Variants in ABCA9 observed in about 807,000 individuals in gnomAD.
The protein encoded by ABCA9 is ATP binding cassette subfamily A member 9, also known as ATP-binding cassette sub-family A member 9.
Under a neutral mutation model 205.3 loss-of-function variants are expected in ABCA9, and 183 were observed. The ratio of observed to expected loss-of-function variants is 0.89; its 90% CI spans 0.79 to 1.01. The LOEUF (loss-of-function observed/expected upper bound fraction) is 1.01. Ranked by LOEUF, ABCA9 falls within the 50% of genes least tolerant of loss-of-function variation. The pLI is 0.00. For synonymous variants in ABCA9, 651 were observed against 683.3 expected (o/e 0.95, Z 0.74); for missense variants, 1,805 against 1,912.4 (o/e 0.94, Z 1.05).
rs2071016082 is a variant in ABCA9, at chr17:69,027,082, C to A, written c.1944G>T (p.Leu648Phe). 1.2e-6 allele frequency: 2 copies of A among 1,614,118 alleles called. No homozygotes were observed. The highest frequency in any genetic ancestry group is 1.7e-6 in the Non-Finnish European group (2 of 1,179,998). Residue 648 changes from leucine to phenylalanine, a missense_variant, in exon 15 of 39, where the codon TTG (leucine) becomes TTT (phenylalanine). Transcript: ENST00000340001. Reference sequence around the variant, plus strand: ...ATATTCGGTGCCTTGAAAGAGGATCCAATCCAGCAGTCGGTTCATCCAATA... The same window carrying A: ...ATATTCGGTGCCTTGAAAGAGGATCAAATCCAGCAGTCGGTTCATCCAATA... The part of the protein sequence containing the change: ...VLLLDEPTAG[L>F]DPLSRHRIWN...
At position 68,975,366 on chromosome 17, in the gene ABCA9, T is replaced by G. The variant is rs1360590822; in HGVS notation, c.*549A>C. On this transcript the variant is annotated 3_prime_UTR_variant, in exon 39 of 39. Transcript: ENST00000340001. The stretch of plus-strand genomic sequence containing the variant: ...TGATACAGATTTCAAATTTCCTTTA[T>G]AGGCACAACAGACAAAACATGGACT... 1 of 152,654 alleles carries G rather than the reference T, an allele frequency of 6.6e-6. No homozygotes were observed. The highest frequency in any genetic ancestry group is 1.5e-5 in the Non-Finnish European group (1 of 68,430). The allele number at this position is 152,654 out of a possible 1,614,324, so 9.5% of individuals were successfully genotyped here.
At chr17:69,019,076 A>G (rs541056212) in intron 19 of ABCA9, among the ~76,000 whole-genome samples, 12 of 152,180 alleles carry the variant, frequency 7.9e-5, no homozygotes, top group Middle Eastern at 6.8e-3. Context: ...TTGGAAATTC[A>G]TATCTATCAT....
At chr17:68,996,340 T>C (rs2069624465) in intron 25 of ABCA9, among the ~76,000 whole-genome samples, 1 of 152,246 alleles carries the variant, frequency 6.6e-6, no homozygotes, top group South Asian at 2.1e-4. Context: ...CATTTCACAA[T>C]AGTTCATAGA....
intron 25 of ABCA9, among the ~76,000 whole-genome samples, chr17:68,996,905 A>G (rs2069643547): frequency 6.6e-6 from 1 of 152,076 alleles, no homozygotes; most frequent in Non-Finnish European, 1.5e-5. Flanking sequence ...GAAATAAATC[A>G]TACTTGACTA....
chr17:69,059,920 C>A (rs780143725), intron 1 of ABCA9, among the ~76,000 whole-genome samples: 5 of 152,106 alleles, frequency 3.3e-5, no homozygotes, highest in African/African-American at 4.8e-5. Context: ...GCTGTGATAG[C>A]CTGGAAATCC....
chr17:69,011,702 T>TAAGTC (rs1318847946), intron 23 of ABCA9: 5 of 302,546 alleles, frequency 1.7e-5, no homozygotes, highest in Admixed American at 5.0e-5. Context: ...TGTCTGTGAG[T>TAAGTC]AAGTCTTATA....
rs145575758 is a variant in ABCA9 at position 69,014,384 on chromosome 17, T to G, written c.3039+1869A>C. 4.1e-3 allele frequency among the ~76,000 whole-genome samples: 619 copies of G among 152,260 alleles called. 3 individuals carry two copies. The highest frequency in any genetic ancestry group is 0.014 in the African/African-American group (572 of 41,558). On this transcript the variant is annotated intron_variant, in intron 22 of 38. Coordinates refer to ENST00000340001, the MANE Select transcript of ABCA9 (RefSeq NM_080283.4). ...AACAAACGAATTTCATGTTTAGACT[T>G]GGGTCCCATCCCCAATATATCTCAT...
intron 25 of ABCA9, among the ~76,000 whole-genome samples, chr17:69,000,537 G>A (rs1338860982): frequency 6.7e-6 from 1 of 148,220 alleles, no homozygotes; most frequent in Non-Finnish European, 1.5e-5. Flanking sequence ...TAGCCTTGTA[G>A]TATAGTTTGA....
chr17:69,045,639 G>T (rs1156759548), intron 3 of ABCA9, among the ~76,000 whole-genome samples: 3 of 152,134 alleles, frequency 2.0e-5, no homozygotes, highest in Non-Finnish European at 2.9e-5. Flanking sequence ...TATAAAGAAA[G>T]AAGTTTAATT....
rs760190592 is a variant in ABCA9 at position 69,012,057 on chromosome 17, G to A, written c.3066C>T (p.Tyr1022=). Residue 1022 remains tyrosine, a synonymous_variant, in exon 23 of 39, where the codon TAC becomes TAT. Coordinates refer to ENST00000340001, the MANE Select transcript of ABCA9 (RefSeq NM_080283.4). ...FEEHMDYEYG[Y]RSNTFFWIPM... is the part of the protein sequence containing the mutation. Reference sequence around the variant, plus strand: ...GTATCCAGAAGAAGGTGTTACTTCGGTACCCATACTCATAATCCATATGCT... The same window carrying A: ...GTATCCAGAAGAAGGTGTTACTTCGATACCCATACTCATAATCCATATGCT... 6.2e-7 allele frequency: 1 copy of A among 1,612,656 alleles called. No individual in the cohort carries two copies.
chr17:69,009,861 G>A (rs1024910747), intron 23 of ABCA9, among the ~76,000 whole-genome samples: 4 of 152,118 alleles, frequency 2.6e-5, no homozygotes, highest in African/African-American at 4.8e-5. Context: ...CATTGACATC[G>A]TGGGGTTGCC....
chr17:69,065,545 C>A (rs1427042183), upstream of ABCA9, among the ~76,000 whole-genome samples: 1 of 152,132 alleles, frequency 6.6e-6, no homozygotes, highest in Admixed American at 6.6e-5. Context: ...CCAACTCAAG[C>A]CAGATACTTC....
At chr17:68,999,099 T>C (rs562109754) in intron 25 of ABCA9, among the ~76,000 whole-genome samples, 1 of 151,750 alleles carries the variant, frequency 6.6e-6, no homozygotes, top group East Asian at 1.9e-4. Flanking sequence ...GCTTTCTTTC[T>C]TGGCTGATAT....
chr17:69,055,581 C>A (rs1429750966), intron 1 of ABCA9, among the ~76,000 whole-genome samples: 1 of 152,164 alleles, frequency 6.6e-6, no homozygotes, highest in Non-Finnish European at 1.5e-5. Flanking sequence ...TTCATCACCT[C>A]TCTTGGCAGA....
chr17:68,984,764 T>C (rs2143970094), intron 34 of ABCA9, 121 bp downstream of exon 34: 5 of 1,299,306 alleles, frequency 3.8e-6, no homozygotes, highest in South Asian at 3.0e-5. Flanking sequence ...TAATTTTTTT[T>C]CCTAAAATAT....
At chr17:69,078,905 A>C in the ABCA9 span, 1 of 848,328 alleles carries the variant, frequency 1.2e-6, no homozygotes. Flanking sequence ...AAAATTAAAC[A>C]TACTATTAAT....
rs2071615803 is a variant in ABCA9 at position 69,043,536 on chromosome 17, G to A, written c.753C>T (p.Tyr251=). ...CCATCATTGTCATCAATGACGTAATGTATTGTCTTTCTTGTGTAACATTGA... is the reference window on the plus strand; with the variant it reads ...CCATCATTGTCATCAATGACGTAATATATTGTCTTTCTTGTGTAACATTGA... ...VSVNVTQERQ[Y]ITSLMTMMGL... Residue 251 remains tyrosine, a synonymous_variant, in exon 6 of 39, where the codon TAC becomes TAT. Coordinates refer to ENST00000340001, the MANE Select transcript of ABCA9 (RefSeq NM_080283.4). 1 of 1,610,116 alleles carries A rather than the reference G, an allele frequency of 6.2e-7. No individual in the cohort carries two copies. The highest frequency in any genetic ancestry group is 1.3e-5 in the African/African-American group (1 of 74,706).
At chr17:69,066,520 C>G in the ABCA9 span, among the ~76,000 whole-genome samples, 1 of 151,084 alleles carries the variant, frequency 6.6e-6, no homozygotes, top group Non-Finnish European at 1.5e-5. Context: ...AGGAGGAGAA[C>G]GCTGAACACG....
intron 32 of ABCA9, 38 bp downstream of exon 32, chr17:68,986,126 C>A: frequency 6.4e-7 from 1 of 1,562,588 alleles, no homozygotes; most frequent in Admixed American, 1.9e-5. Flanking sequence ...ATACAACATC[C>A]CCTCCAGCAA....
Sources: allele counts gnomAD v4.1 joint callset (sites outside exome capture counted in the v4.1 genomes callset), GRCh38; gene constraint gnomAD v4.1.1; transcripts MANE v1.5; gene names NCBI Gene and HGNC (gene_info 2026-07-23, HGNC 2026-07-21).